The following GRIP1 variants were observed in gnomAD, a reference collection of about 807,000 sequenced individuals.
GRIP1 encodes glutamate receptor-interacting protein 1.
A neutral mutation model predicts 129.9 loss-of-function variants in GRIP1; 45 were observed. The observed-to-expected ratio is 0.35, with a 90% CI of 0.27 to 0.44. The LOEUF (loss-of-function observed/expected upper bound fraction) is 0.44. Among genes scored for constraint, GRIP1 ranks in the 20% least tolerant of loss-of-function variants. The probability of loss-of-function intolerance (pLI) is 1.00; values close to 1 mark genes in which losing one functional copy is unlikely to be tolerated. For synonymous variants in GRIP1, 530 were observed against 520.8 expected (o/e 1.02, Z -0.24); for missense variants, 1,196 against 1,396.8 (o/e 0.86, Z 2.29).
At chr12:66,987,726 T>G (rs1052788715) in intron 1 of GRIP1, among the ~76,000 whole-genome samples, 1 of 152,194 alleles carries the variant, frequency 6.6e-6, no homozygotes, top group Non-Finnish European at 1.5e-5. Flanking sequence ...AAGGCCACAG[T>G]GTGTCACCAA....
intron 11 of GRIP1, among the ~76,000 whole-genome samples, chr12:66,447,420 T>C (rs1238024636): frequency 6.6e-6 from 1 of 152,192 alleles, no homozygotes; most frequent in Non-Finnish European, 1.5e-5. Flanking sequence ...TGACACCTTA[T>C]TTCATTCCAC....
intron 1 of GRIP1, among the ~76,000 whole-genome samples, chr12:66,871,613 A>G (rs1382593858): frequency 1.3e-5 from 2 of 152,106 alleles, no homozygotes; most frequent in South Asian, 2.1e-4. Flanking sequence ...CTTCATCTTC[A>G]TCATTCTCAG....
intron 2 of GRIP1, among the ~76,000 whole-genome samples, chr12:66,580,408 T>C (rs1251736688): frequency 6.6e-6 from 1 of 151,000 alleles, no homozygotes; most frequent in African/African-American, 2.4e-5. Context: ...CACATAACAA[T>C]ATTAACTTTA....
intron 1 of GRIP1, among the ~76,000 whole-genome samples, chr12:66,672,346 C>T (rs1359683160): frequency 2.6e-5 from 4 of 152,166 alleles, no homozygotes; most frequent in Admixed American, 2.6e-4. Context: ...CCGAGCTTTG[C>T]CTGAATTTAG....
chr12:66,848,787 G>A (rs904017603), intron 1 of GRIP1, among the ~76,000 whole-genome samples: 4 of 151,970 alleles, frequency 2.6e-5, no homozygotes, highest in African/African-American at 7.3e-5. Flanking sequence ...AAAACTGATT[G>A]AGAGTCAAAT....
chr12:66,520,793 A>C (rs1159768550), intron 5 of GRIP1, among the ~76,000 whole-genome samples: 3 of 152,310 alleles, frequency 2.0e-5, no homozygotes, highest in Admixed American at 1.3e-4. Context: ...TTGATTCGCT[A>C]TTGACTAACC....
intron 5 of GRIP1, among the ~76,000 whole-genome samples, chr12:66,526,552 G>A (rs888239657): frequency 1.3e-5 from 2 of 152,106 alleles, no homozygotes; most frequent in Admixed American, 6.5e-5. Context: ...AGACTTAAAT[G>A]TTAGACCTAA....
chr12:66,524,192 C>A (rs1288379404), intron 5 of GRIP1, among the ~76,000 whole-genome samples: 1 of 152,194 alleles, frequency 6.6e-6, no homozygotes, highest in Non-Finnish European at 1.5e-5. Context: ...TAGACATCTA[C>A]AGAACTCTCC....
At chr12:66,967,290 C>A (rs748822625) in intron 1 of GRIP1, among the ~76,000 whole-genome samples, 19 of 152,082 alleles carry the variant, frequency 1.2e-4, no homozygotes, top group Non-Finnish European at 2.5e-4. Flanking sequence ...ATATCTATCA[C>A]CTCAAATATG....
intron 7 of GRIP1, among the ~76,000 whole-genome samples, chr12:66,474,004 C>T (rs189403687): frequency 6.6e-6 from 1 of 151,988 alleles, no homozygotes; most frequent in Non-Finnish European, 1.5e-5. Flanking sequence ...CAGAAGTAGG[C>T]TTCAGAAGAT....
intron 1 of GRIP1, among the ~76,000 whole-genome samples, chr12:66,930,560 T>A (rs1489922200): frequency 6.6e-6 from 1 of 152,044 alleles, no homozygotes; most frequent in Non-Finnish European, 1.5e-5. Flanking sequence ...AATGCCGCAA[T>A]AAACATACTT....
chr12:66,915,677 G>C (rs2041108885), intron 1 of GRIP1, among the ~76,000 whole-genome samples: 2 of 152,228 alleles, frequency 1.3e-5, no homozygotes, highest in Admixed American at 6.5e-5. Flanking sequence ...ATATTAAACA[G>C]GGTGGGGCCT....
At chr12:66,551,769 A>G (rs1156915572) in intron 2 of GRIP1, among the ~76,000 whole-genome samples, 1 of 151,668 alleles carries the variant, frequency 6.6e-6, no homozygotes, top group Non-Finnish European at 1.5e-5. Flanking sequence ...TGTTGTACAG[A>G]TGGGGTCTCA....
chr12:66,480,067 C>T (rs747472056), intron 7 of GRIP1, among the ~76,000 whole-genome samples: 2 of 152,016 alleles, frequency 1.3e-5, no homozygotes, highest in Non-Finnish European at 2.9e-5. Flanking sequence ...AAGTTCTGGC[C>T]AGGGCAATCA....
intron 2 of GRIP1, among the ~76,000 whole-genome samples, chr12:66,561,465 T>C (rs2062525122): frequency 6.6e-6 from 1 of 151,946 alleles, no homozygotes; most frequent in Admixed American, 6.6e-5. Flanking sequence ...ACTTACTATA[T>C]ACCCACAAAA....
intron 1 of GRIP1, among the ~76,000 whole-genome samples, chr12:66,990,289 T>C (rs999607940): frequency 2.0e-5 from 3 of 152,208 alleles, no homozygotes; most frequent in Admixed American, 6.5e-5. Flanking sequence ...AAATTTTGGT[T>C]CTTGTTTCAA....
chr12:66,845,848 C>G (rs1156731701), intron 1 of GRIP1, among the ~76,000 whole-genome samples: 1 of 152,154 alleles, frequency 6.6e-6, no homozygotes, highest in Non-Finnish European at 1.5e-5. Flanking sequence ...CAAAGGACTA[C>G]TGGCATGTAA....
intron 1 of GRIP1, among the ~76,000 whole-genome samples, chr12:66,912,287 T>C (rs995667324): frequency 6.6e-5 from 10 of 152,234 alleles, no homozygotes; most frequent in African/African-American, 2.4e-4. Flanking sequence ...ATGTATCCAT[T>C]CAAATGGTTT....
In GRIP1 at chr12:66,730,397, G is replaced by A. The variant is rs370900132; in HGVS notation, c.-420+73656C>T. Among the ~76,000 whole-genome samples the A allele has an allele frequency of 8.5e-5, 13 of 152,114 alleles. No homozygotes were observed. The South Asian group carries it at 2.3e-3, about 27-fold the overall frequency. ...TTAATATTTGAATTGTGTGTATGTA[G>A]CTTACTTAAAAATTCTAGGAGCAGG... On this transcript the variant is annotated intron_variant, in intron 1 of 4. Transcript: ENST00000538373.
Sources: allele counts gnomAD v4.1 joint callset (sites outside exome capture counted in the v4.1 genomes callset), GRCh38; gene constraint gnomAD v4.1.1; transcripts MANE v1.5; gene names NCBI Gene and HGNC (gene_info 2026-07-23, HGNC 2026-07-21).